NCOR2: variants seen among roughly 807,000 people sequenced by gnomAD.
NCOR2 encodes the protein nuclear receptor corepressor 2, also known as CTG repeat protein 26.
A neutral mutation model predicts 262.9 loss-of-function variants in NCOR2; 81 were observed. The ratio of observed to expected loss-of-function variants is 0.31; its 90% CI spans 0.26 to 0.37. The LOEUF is 0.37. Among genes scored for constraint, NCOR2 ranks in the 10% least tolerant of loss-of-function variants. The probability of loss-of-function intolerance (pLI) is 1.00; values close to 1 mark genes in which losing one functional copy is unlikely to be tolerated. For synonymous variants in NCOR2, 1,659 were observed against 1,559.3 expected (o/e 1.06, Z -1.51); for missense variants, 3,385 against 3,621.4 (o/e 0.93, Z 1.68).
chr12:124,327,339 G>C (rs1025308222), intron 45 of NCOR2, 70 bp downstream of exon 47: 1 of 1,242,800 alleles, frequency 8.0e-7, no homozygotes, highest in African/African-American at 1.5e-5. Flanking sequence ...TCAGAGGAGC[G>C]CGGAGGAGCG....
rs1042656440 is a variant in NCOR2 at position 124,353,994 on chromosome 12, C to T, written c.3693+99G>A. 28 of 1,085,190 alleles carry T rather than the reference C, an allele frequency of 2.6e-5. No individual in the cohort carries two copies. The Admixed American group carries it at 3.2e-4, about 13-fold the overall frequency. The allele number at this position is 1,085,190 out of a possible 1,614,324, so 67.2% of individuals were successfully genotyped here. A position where few individuals can be genotyped will look rare whatever the true frequency, so the allele number is the denominator to read the frequency against. On this transcript the variant is annotated intron_variant, in intron 27 of 46. Coordinates refer to ENST00000405201, the Ensembl canonical transcript of NCOR2. ...TGCTGTCCCCCAGTCATCACCCCAT[C>T]GGCTGAGGCTAATGGTTTGGTGACA... is the stretch of plus-strand genomic sequence containing the variant.
intron 2 of NCOR2, among the ~76,000 whole-genome samples, chr12:124,484,994 C>G (rs547889985): frequency 3.5e-4 from 54 of 152,330 alleles, no homozygotes; most frequent in African/African-American, 1.3e-3. Context: ...CTGTGCTCAC[C>G]TCCCTGGAGG....
chr12:124,503,009 C>G lies in NCOR2; in HGVS notation c.-117-7641G>C, dbSNP rs1465585581. Among the ~76,000 whole-genome samples the G allele has an allele frequency of 1.3e-5, 2 of 152,182 alleles. No individual in the cohort carries two copies. Among genetic ancestry groups the G allele is most frequent in the African/African-American group, 2.4e-5 (1 of 41,434 alleles). ...CACTCCCTAAGGAAGAGCCAGGTACCCAACCCCAGCCTGTCGTTGGCTCTG... is the reference window on the plus strand; with the variant it reads ...CACTCCCTAAGGAAGAGCCAGGTACGCAACCCCAGCCTGTCGTTGGCTCTG... On this transcript the variant is annotated intron_variant, in intron 1 of 46. Transcript: ENST00000404621. The surrounding 1 kb of genome is among the most constrained non-coding windows in gnomAD (Gnocchi z 4.3).
chr12:124,340,717 A>G, exon 35 of NCOR2: 3 of 1,545,004 alleles, frequency 1.9e-6, no homozygotes, highest in African/African-American at 1.4e-5. Flanking sequence ...GCACGAGCAC[A>G]GGCAGGTGTG....
At chr12:124,479,420 TGCAC>T (rs1359717156) in intron 3 of NCOR2, among the ~76,000 whole-genome samples, 1 of 146,674 alleles carries the variant, frequency 6.8e-6, no homozygotes, top group Non-Finnish European at 1.5e-5. Context: ...CACAGGTACA[TGCAC>T]GCACACAGGC....
chr12:124,327,313 C>A, intron 45 of NCOR2, 96 bp downstream of exon 47: 1 of 1,016,000 alleles, frequency 9.8e-7, no homozygotes. Flanking sequence ...AGCTCCAAAG[C>A]TCGAGGAGGG....
chr12:124,368,064 G>A (rs879919425), intron 20 of NCOR2, among the ~76,000 whole-genome samples: 3 of 152,202 alleles, frequency 2.0e-5, no homozygotes, highest in Non-Finnish European at 4.4e-5. Flanking sequence ...ACCCAGCCCT[G>A]CAGTTGCGAG....
intron 8 of NCOR2, among the ~76,000 whole-genome samples, chr12:124,431,990 A>C (rs767233002): frequency 1.3e-5 from 2 of 152,026 alleles, no homozygotes; most frequent in East Asian, 3.9e-4. Flanking sequence ...GCAGACACAC[A>C]CACATGGTCA....
In NCOR2 at chr12:124,325,527, C is replaced by T; in HGVS notation, c.7420G>A (p.Ala2474Thr). The T allele has an allele frequency of 1.5e-6, 2 of 1,351,078 alleles. 1 individual carries two copies. The highest frequency in any genetic ancestry group is 5.8e-5 in the East Asian group (2 of 34,252). 83.7% of individuals were successfully genotyped at this position (1,351,078 alleles called of 1,614,324 possible). A position where few individuals can be genotyped will look rare whatever the true frequency, so the allele number is the denominator to read the frequency against. ...GGGAGGCCCGGTGGGGGTGGGGAAG[C>T]CATGACACCCGCCTGCAGCCGCATG... Residue 2474 changes from alanine to threonine, a missense_variant, in exon 47 of 47, where the codon GCT becomes ACT. This residue lies in a region of NCOR2 where 1,017 missense variants were observed against 967.2 expected (regional missense o/e 1.05). Coordinates refer to ENST00000405201, the Ensembl canonical transcript of NCOR2.
intron 31 of NCOR2, among the ~76,000 whole-genome samples, chr12:124,346,099 G>A (rs1411779204): frequency 1.3e-5 from 2 of 152,176 alleles, no homozygotes; most frequent in Non-Finnish European, 2.9e-5. Context: ...TTTGCTGCGT[G>A]ACTCTGGGTG....
chr12:124,445,448 G>A (rs550800048), intron 7 of NCOR2, among the ~76,000 whole-genome samples: 31 of 152,348 alleles, frequency 2.0e-4, no homozygotes, highest in Admixed American at 7.2e-4. Context: ...ACTCCAACGC[G>A]TCCGAAATCG....
chr12:124,371,218 C>G (rs1372061252), intron 20 of NCOR2, among the ~76,000 whole-genome samples: 2 of 149,920 alleles, frequency 1.3e-5, no homozygotes, highest in Non-Finnish European at 3.0e-5. Flanking sequence ...AGCTGCCCCC[C>G]GTCCTGCCAG....
At position 124,335,376 on chromosome 12, in the gene NCOR2, C is replaced by A. The variant is rs984554262; in HGVS notation, c.6266-96G>T. 8.6e-6 allele frequency: 13 copies of A among 1,505,760 alleles called. 1 individual carries two copies. Among genetic ancestry groups the A allele is most frequent in the South Asian group, 5.2e-5 (4 of 77,568 alleles). The allele number at this position is 1,505,760 out of a possible 1,614,324, so 93.3% of individuals were successfully genotyped here. ...CATGCCTTTGAGCCTCATGATCCAGCCAATTCCTTGGCCTTTAGGCACCTC... is the reference window on the plus strand; with the variant it reads ...CATGCCTTTGAGCCTCATGATCCAGACAATTCCTTGGCCTTTAGGCACCTC... On this transcript the variant is annotated intron_variant, in intron 39 of 46. Coordinates refer to ENST00000405201, the Ensembl canonical transcript of NCOR2.
chr12:124,325,508 C>G lies in NCOR2; in HGVS notation c.7439G>C (p.Gly2480Ala), dbSNP rs2034547319. 5 of 1,356,370 alleles carry G rather than the reference C, an allele frequency of 3.7e-6. No individual in the cohort carries two copies. The African/African-American group carries it at 6.1e-5, about 17-fold the overall frequency. 84.0% of individuals were successfully genotyped at this position (1,356,370 alleles called of 1,614,324 possible). ...GAGGGGCCCGCTGCCCGCGGGGAGG[C>G]CCGGTGGGGGTGGGGAAGCCATGAC... Residue 2480 changes from glycine (G) to alanine (A), a missense_variant, in exon 47 of 47, where the codon GGC (glycine) becomes GCC (alanine). Gly to Ala is a moderately conservative substitution (Grantham distance 60). This residue lies in a region of NCOR2 where 1,017 missense variants were observed against 967.2 expected (regional missense o/e 1.05). Coordinates refer to ENST00000405201, the Ensembl canonical transcript of NCOR2.
rs146881270 is a variant in NCOR2 at position 124,362,287 on chromosome 12, T to C, written c.2939A>G (p.Lys980Arg). The C allele has an allele frequency of 4.6e-6, 6 of 1,316,784 alleles. No homozygotes were observed. In the East Asian group the frequency reaches 1.6e-4, roughly 36 times the overall value. The allele number at this position is 1,316,784 out of a possible 1,614,324, so 81.6% of individuals were successfully genotyped here. A position where few individuals can be genotyped will look rare whatever the true frequency, so the allele number is the denominator to read the frequency against. The stretch of plus-strand genomic sequence containing the variant: ...GTCCTCCCGGGGGGGCTCATGGACT[T>C]TGGTGACCTGCTGAGGGAAGCAGGC... Residue 980 changes from lysine (K) to arginine (R), a missense_variant, in exon 22 of 47, where the codon AAA becomes AGA. This residue lies in a region of NCOR2 where 1,615 missense variants were observed against 1,626.9 expected (regional missense o/e 0.99). Transcript: ENST00000405201.
intron 20 of NCOR2, among the ~76,000 whole-genome samples, chr12:124,365,502 C>T (rs2038959352): frequency 6.6e-6 from 1 of 152,190 alleles, no homozygotes; most frequent in Admixed American, 6.5e-5. Context: ...CAATCTCTGC[C>T]ATAGCAGGAC....
intron 8 of NCOR2, among the ~76,000 whole-genome samples, chr12:124,431,703 G>A (rs1273710808): frequency 6.0e-5 from 9 of 149,900 alleles, no homozygotes; most frequent in Non-Finnish European, 1.3e-4. Flanking sequence ...TACAGTCACA[G>A]ACACACACAG....
chr12:124,446,129 A>G (rs950754197), intron 7 of NCOR2, among the ~76,000 whole-genome samples: 1 of 152,194 alleles, frequency 6.6e-6, no homozygotes, highest in South Asian at 2.1e-4. Context: ...AGAGCCTGCA[A>G]GGAGTGCAGG....
chr12:124,457,145 T>A lies in NCOR2; in HGVS notation c.723A>T (p.Ala241=). 1.3e-6 allele frequency: 2 copies of A among 1,532,254 alleles called. No individual in the cohort carries two copies. Among genetic ancestry groups the A allele is most frequent in the Non-Finnish European group, 1.7e-6 (2 of 1,151,174 alleles). 94.9% of individuals were successfully genotyped at this position (1,532,254 alleles called of 1,614,324 possible). The change falls in exon 6 of 47, where the codon GCA becomes GCT. Residue 241 remains alanine (A), a synonymous_variant. Transcript: ENST00000405201. This position sits in a 1 kb window ranked among gnomAD's most constrained non-coding sequence, Gnocchi z 4.0. ...GCCCCAGGCCTTCCAGAATCCGATG[T>A]GCAGCTTCAGCCTTCTTCTGCAGGG...
Sources: allele counts gnomAD v4.1 joint callset (sites outside exome capture counted in the v4.1 genomes callset), GRCh38; gene constraint gnomAD v4.1.1; regional missense constraint gnomAD v4.1.1; non-coding constraint Gnocchi (gnomAD v3.1); transcripts MANE v1.5; gene names NCBI Gene and HGNC (gene_info 2026-07-23, HGNC 2026-07-21).